CSMD1: variants seen among roughly 807,000 people sequenced by gnomAD.
CSMD1 encodes CUB and Sushi multiple domains 1.
In CSMD1, 213 loss-of-function variants were observed where a neutral mutation model predicts 417.5. That is an observed-to-expected ratio of 0.51 (90% CI 0.46 to 0.57). The LOEUF (loss-of-function observed/expected upper bound fraction) is 0.57. CSMD1 is among the 20% of genes least tolerant of loss of function. The pLI, the probability that CSMD1 is intolerant of heterozygous loss-of-function variation, is 0.00. For synonymous variants in CSMD1, 2,862 were observed against 1,736.8 expected, an observed-to-expected ratio of 1.65 and a Z score of -16.11; for missense variants, 6,923 against 4,529.7, an observed-to-expected ratio of 1.53 and a Z score of -15.17.
At chr8:4,333,534 T>C (rs910507151) in intron 3 of CSMD1, among the ~76,000 whole-genome samples, 3 of 152,176 alleles carry the variant, frequency 2.0e-5, no homozygotes, top group Non-Finnish European at 4.4e-5. Flanking sequence ...GCTTAAACAG[T>C]GAAATCATCA....
intron 2 of CSMD1, among the ~76,000 whole-genome samples, chr8:4,575,063 A>G (rs1799076185): frequency 6.6e-6 from 1 of 152,186 alleles, no homozygotes; most frequent in African/African-American, 2.4e-5. Context: ...TATACTTGTA[A>G]TTTACTATAA....
At chr8:3,328,210 T>G (rs1251447655) in intron 23 of CSMD1, among the ~76,000 whole-genome samples, 1 of 152,248 alleles carries the variant, frequency 6.6e-6, no homozygotes, top group Non-Finnish European at 1.5e-5. Context: ...CTTCTGTGTC[T>G]GAGCCTCTAA....
At chr8:3,634,207 C>G (rs1218675451) in intron 7 of CSMD1, among the ~76,000 whole-genome samples, 2 of 152,144 alleles carry the variant, frequency 1.3e-5, no homozygotes, top group Non-Finnish European at 2.9e-5. Context: ...TAGGCCACAG[C>G]AGATAGTCTA....
intron 25 of CSMD1, among the ~76,000 whole-genome samples, chr8:3,303,109 G>A (rs1391921189): frequency 1.3e-5 from 2 of 152,174 alleles, no homozygotes; most frequent in East Asian, 1.9e-4. Flanking sequence ...ACTAAGGGAA[G>A]GGTCTATAGT....
chr8:4,448,169 T>C (rs1585092513), intron 2 of CSMD1, among the ~76,000 whole-genome samples: 1 of 152,354 alleles, frequency 6.6e-6, no homozygotes, highest in South Asian at 2.1e-4. Context: ...AAGGTGAACA[T>C]GTAACCATAA....
chr8:3,179,088 C>T (rs1015449239), intron 37 of CSMD1, among the ~76,000 whole-genome samples: 1 of 150,588 alleles, frequency 6.6e-6, no homozygotes, highest in African/African-American at 2.5e-5. Flanking sequence ...GCTGGGACTA[C>T]AGGCCCGCCA....
intron 33 of CSMD1, among the ~76,000 whole-genome samples, chr8:3,191,982 A>C (rs911312659): frequency 6.6e-6 from 1 of 152,118 alleles, no homozygotes; most frequent in African/African-American, 2.4e-5. Flanking sequence ...GCTTTTTCTG[A>C]CACACTGGAA....
chr8:4,564,781 A>G (rs1798512182), intron 2 of CSMD1, among the ~76,000 whole-genome samples: 2 of 152,246 alleles, frequency 1.3e-5, no homozygotes, highest in Admixed American at 1.3e-4. Flanking sequence ...AGAAATCACT[A>G]GAACAAGCAC....
At chr8:3,927,237 T>C (rs1809800148) in intron 5 of CSMD1, among the ~76,000 whole-genome samples, 2 of 152,010 alleles carry the variant, frequency 1.3e-5, no homozygotes, top group South Asian at 4.1e-4. Context: ...CTTTATATTA[T>C]TCCAACAATT....
intron 5 of CSMD1, among the ~76,000 whole-genome samples, chr8:3,822,345 A>G (rs1261326288): frequency 1.3e-5 from 2 of 152,188 alleles, no homozygotes; most frequent in African/African-American, 4.8e-5. Flanking sequence ...GACATCAAGT[A>G]CTTTAAAAGT....
At chr8:4,138,531 A>C (rs1803578818) in intron 3 of CSMD1, among the ~76,000 whole-genome samples, 1 of 152,162 alleles carries the variant, frequency 6.6e-6, no homozygotes, top group African/African-American at 2.4e-5. Context: ...TATTTTGAGG[A>C]AAGTGATGGC....
intron 3 of CSMD1, among the ~76,000 whole-genome samples, chr8:4,378,877 T>C (rs2128917415): frequency 6.6e-6 from 1 of 152,268 alleles, no homozygotes; most frequent in South Asian, 2.1e-4. Flanking sequence ...CAGCCCTTTC[T>C]CTAGTTGCTG....
chr8:4,359,355 A>C (rs1021149179), intron 3 of CSMD1, among the ~76,000 whole-genome samples: 2 of 152,238 alleles, frequency 1.3e-5, no homozygotes, highest in Non-Finnish European at 2.9e-5. Context: ...AAACACTATA[A>C]TTATCTACAG....
At chr8:3,985,245 A>C (rs1814232002) in intron 5 of CSMD1, among the ~76,000 whole-genome samples, 1 of 152,178 alleles carries the variant, frequency 6.6e-6, no homozygotes, top group Admixed American at 6.5e-5. Flanking sequence ...TTGAAGTCCC[A>C]TTTCATGCTT....
intron 3 of CSMD1, among the ~76,000 whole-genome samples, chr8:4,285,083 G>A (rs1454750218): frequency 1.3e-5 from 2 of 152,118 alleles, no homozygotes; most frequent in Non-Finnish European, 2.9e-5. Flanking sequence ...CTAGTGTGTA[G>A]GAAAGTTTTG....
chr8:4,167,125 G>A (rs570461016), intron 3 of CSMD1, among the ~76,000 whole-genome samples: 42 of 152,268 alleles, frequency 2.8e-4, no homozygotes, highest in African/African-American at 9.6e-4. Flanking sequence ...ATAAACCCAA[G>A]ATGTTACTTA....
At chr8:4,519,010 T>C (rs1015062507) in intron 2 of CSMD1, among the ~76,000 whole-genome samples, 1 of 152,188 alleles carries the variant, frequency 6.6e-6, no homozygotes, top group African/African-American at 2.4e-5. Flanking sequence ...TACAGTATAA[T>C]TTCTTTTTAC....
intron 26 of CSMD1, among the ~76,000 whole-genome samples, chr8:3,259,676 C>T (rs887075575): frequency 6.6e-6 from 1 of 152,074 alleles, no homozygotes; most frequent in African/African-American, 2.4e-5. Context: ...CTACCCCATC[C>T]TGAAATTTAC....
At chr8:3,400,446 A>AT (rs1366693259) in intron 15 of CSMD1, among the ~76,000 whole-genome samples, 29 of 152,252 alleles carry the variant, frequency 1.9e-4, no homozygotes, top group Admixed American at 1.9e-3. Context: ...AGTTTATATC[A>AT]TTTTAGCCAT....
Sources: gnomAD v4.1 joint callset for allele counts (sites outside exome capture counted in the v4.1 genomes callset) on GRCh38, gnomAD v4.1.1 for gene constraint, MANE v1.5 for transcripts, NCBI Gene and HGNC (gene_info 2026-07-23, HGNC 2026-07-21) for gene names.